Variants in NEGR1 observed in about 807,000 individuals in gnomAD.
NEGR1 encodes neuronal growth regulator 1.
NEGR1 carries 10 observed loss-of-function variants against 40.9 expected under a neutral mutation model. The observed-to-expected ratio is 0.24, with a 90% CI of 0.15 to 0.42. NEGR1 has a LOEUF of 0.42. Among genes scored for constraint, NEGR1 ranks in the 10% least tolerant of loss-of-function variants. NEGR1 has a pLI of 1.00. For missense variants in NEGR1, 352 were observed against 438.9 expected, an observed-to-expected ratio of 0.80 and a Z score of 1.77; for synonymous variants, 185 against 166.8, an observed-to-expected ratio of 1.11 and a Z score of -0.84.
intron 1 of NEGR1, among the ~76,000 whole-genome samples, chr1:72,165,429 A>G (rs1274056289): frequency 1.3e-5 from 2 of 152,024 alleles, no homozygotes; most frequent in African/African-American, 4.8e-5. Context: ...TTTAGATCTG[A>G]TGATTCTACT....
chr1:71,873,184 AG>A (rs1660330074), intron 2 of NEGR1, among the ~76,000 whole-genome samples: 1 of 151,378 alleles, frequency 6.6e-6, no homozygotes, highest in Non-Finnish European at 1.5e-5. Context: ...CTAATAGAAA[AG>A]TTCATTTATC....
intron 1 of NEGR1, chr1:72,100,783 A>C (rs2100243966): frequency 6.6e-6 from 1 of 152,320 alleles, no homozygotes. Flanking sequence ...CAAAATCCAC[A>C]GATTGGGTGG....
intron 2 of NEGR1, among the ~76,000 whole-genome samples, chr1:71,832,385 G>T (rs1009108736): frequency 6.6e-6 from 1 of 151,912 alleles, no homozygotes; most frequent in Admixed American, 6.6e-5. Flanking sequence ...TCTTGCTCAG[G>T]AGTATATGGG....
intron 1 of NEGR1, among the ~76,000 whole-genome samples, chr1:72,279,861 A>C (rs1398895340): frequency 1.3e-5 from 2 of 152,192 alleles, no homozygotes; most frequent in Non-Finnish European, 2.9e-5. Context: ...GGATACGTTA[A>C]ATTAGTTTAA....
At chr1:71,787,794 G>A (rs911935220) in intron 2 of NEGR1, among the ~76,000 whole-genome samples, 43 of 152,178 alleles carry the variant, frequency 2.8e-4, no homozygotes, top group African/African-American at 9.9e-4. Flanking sequence ...TCTGGATTCA[G>A]CTAGAGAGCC....
At chr1:72,095,659 A>T (rs971051480) in intron 1 of NEGR1, among the ~76,000 whole-genome samples, 3 of 151,840 alleles carry the variant, frequency 2.0e-5, no homozygotes, top group South Asian at 2.1e-4. Flanking sequence ...ATATTTTTTT[A>T]AACTTAAAAA....
chr1:71,486,009 T>A (rs140958555), intron 6 of NEGR1, among the ~76,000 whole-genome samples: 1 of 151,766 alleles, frequency 6.6e-6, no homozygotes, highest in Non-Finnish European at 1.5e-5. Flanking sequence ...TGCCAAACTG[T>A]CTTCCAAAGT....
At chr1:71,918,724 G>A (rs559380267) in intron 2 of NEGR1, among the ~76,000 whole-genome samples, 5 of 151,364 alleles carry the variant, frequency 3.3e-5, no homozygotes, top group African/African-American at 1.2e-4. Context: ...GAAAAAATGA[G>A]TTTTCTTCTT....
At chr1:71,563,913 A>T (rs1308425333) in intron 6 of NEGR1, among the ~76,000 whole-genome samples, 2 of 151,792 alleles carry the variant, frequency 1.3e-5, no homozygotes, top group African/African-American at 4.8e-5. Context: ...TGCCCTGACT[A>T]TAGGTGACAG....
chr1:71,681,336 T>C (rs1462782218), intron 4 of NEGR1, among the ~76,000 whole-genome samples: 1 of 152,204 alleles, frequency 6.6e-6, no homozygotes, highest in Middle Eastern at 3.2e-3. Flanking sequence ...CTCTCATCTG[T>C]TTTTTGTCAA....
chr1:71,876,522 A>G (rs1660435039), intron 2 of NEGR1, among the ~76,000 whole-genome samples: 1 of 151,400 alleles, frequency 6.6e-6, no homozygotes. Flanking sequence ...AAAGGAAGAA[A>G]GAAGAGAGAG....
chr1:71,437,820 T>G (rs773684641), intron 6 of NEGR1, among the ~76,000 whole-genome samples: 13 of 152,200 alleles, frequency 8.5e-5, no homozygotes, highest in Admixed American at 4.6e-4. Context: ...GCTCATGCTA[T>G]ATTTCAGGCA....
At chr1:71,740,490 A>C (rs567409762) in intron 3 of NEGR1, among the ~76,000 whole-genome samples, 1 of 152,096 alleles carries the variant, frequency 6.6e-6, no homozygotes, top group Non-Finnish European at 1.5e-5. Flanking sequence ...CACTATCCAC[A>C]TCCTAGGAAT....
chr1:71,802,132 G>A (rs1657584345), intron 2 of NEGR1, among the ~76,000 whole-genome samples: 2 of 152,178 alleles, frequency 1.3e-5, no homozygotes, highest in South Asian at 4.1e-4. Context: ...TAAGCTAAGT[G>A]TTGAAGGTGC....
chr1:72,167,056 G>A (rs932682878), intron 1 of NEGR1, among the ~76,000 whole-genome samples: 7 of 151,966 alleles, frequency 4.6e-5, no homozygotes, highest in Non-Finnish European at 1.0e-4. Context: ...ATCCCTGAAG[G>A]TACAGAGATA....
intron 1 of NEGR1, among the ~76,000 whole-genome samples, chr1:72,056,174 T>C (rs895913369): frequency 6.6e-6 from 1 of 151,242 alleles, no homozygotes; most frequent in African/African-American, 2.4e-5. Flanking sequence ...ATACTTGATG[T>C]TCTTGTTTTA....
At chr1:71,717,651 T>C (rs1654321521) in intron 3 of NEGR1, among the ~76,000 whole-genome samples, 1 of 152,236 alleles carries the variant, frequency 6.6e-6, no homozygotes, top group Non-Finnish European at 1.5e-5. Flanking sequence ...TGAGTAACAA[T>C]GCTTTAGATG....
chr1:71,857,457 C>CAAAAAA (rs34177437), intron 2 of NEGR1, among the ~76,000 whole-genome samples: 1 of 77,660 alleles, frequency 1.3e-5, no homozygotes, highest in Non-Finnish European at 2.4e-5. Flanking sequence ...ACAAAAAATA[C>CAAAAAA]AAAAAAAAAA....
intron 6 of NEGR1, among the ~76,000 whole-genome samples, chr1:71,511,989 T>C (rs929752580): frequency 5.3e-5 from 8 of 152,180 alleles, no homozygotes; most frequent in African/African-American, 1.7e-4. Flanking sequence ...GCAGATTTGT[T>C]AGAAACGTGT....
Sources: allele counts gnomAD v4.1 joint callset (sites outside exome capture counted in the v4.1 genomes callset), GRCh38; gene constraint gnomAD v4.1.1; transcripts MANE v1.5; gene names NCBI Gene and HGNC (gene_info 2026-07-23, HGNC 2026-07-21).